DYNC1H1: variants seen among roughly 807,000 people sequenced by gnomAD.
DYNC1H1 encodes the protein dynein cytoplasmic 1 heavy chain 1.
In DYNC1H1, 51 loss-of-function variants were observed where a neutral mutation model predicts 527.1. That is an observed-to-expected ratio of 0.10 (90% CI 0.08 to 0.12). The LOEUF (loss-of-function observed/expected upper bound fraction) is 0.12. Among genes scored for constraint, DYNC1H1 ranks in the 10% least tolerant of loss-of-function variants. The probability of loss-of-function intolerance (pLI) is 1.00; values close to 1 mark genes in which losing one functional copy is unlikely to be tolerated. For synonymous variants in DYNC1H1, 2,189 were observed against 2,278.8 expected (o/e 0.96, Z 1.12); for missense variants, 2,771 against 5,971.8 (o/e 0.46, Z 17.66).
Position 101,994,198 on chromosome 14 carries a change from C to T in DYNC1H1, c.3030C>T (p.Tyr1010=), listed in dbSNP as rs1355964417. The T allele has an allele frequency of 4.3e-6, 7 of 1,614,160 alleles. No individual in the cohort carries two copies. The highest frequency in any genetic ancestry group is 2.2e-5 in the East Asian group (1 of 44,878). Residue 1010 remains tyrosine (Y), a synonymous_variant, in exon 12 of 78, where the codon TAC becomes TAT. Coordinates refer to ENST00000360184, the MANE Select transcript of DYNC1H1 (RefSeq NM_001376.5). ...TGGTTGGCTAGGTGGGTGTACATTACGAATTGACTGAGGAAGAGAAATTCT... is the reference window on the plus strand; with the variant it reads ...TGGTTGGCTAGGTGGGTGTACATTATGAATTGACTGAGGAAGAGAAATTCT... ...QSQRYQVGVH[Y]ELTEEEKFYR...
intron 43 of DYNC1H1, among the ~76,000 whole-genome samples, chr14:102,025,331 G>C (rs1254354952): frequency 6.6e-6 from 1 of 151,954 alleles, no homozygotes; most frequent in African/African-American, 2.4e-5. Flanking sequence ...CTTAAACCTG[G>C]GAGGCAGAGG....
chr14:101,984,443 A>ATTTT (rs1566998423), intron 7 of DYNC1H1, among the ~76,000 whole-genome samples: 2 of 113,484 alleles, frequency 1.8e-5, no homozygotes, highest in African/African-American at 8.6e-5. Flanking sequence ...ATATATATAT[A>ATTTT]TATTATATTT....
In DYNC1H1 at chr14:102,016,566, G is replaced by C; in HGVS notation, c.7614+77G>C. 1 of 1,612,222 alleles carries C rather than the reference G, an allele frequency of 6.2e-7. No homozygotes were observed. The highest frequency in any genetic ancestry group is 8.5e-7 in the Non-Finnish European group (1 of 1,178,688). On this transcript the variant is annotated intron_variant, in intron 37 of 77. Coordinates refer to ENST00000360184, the MANE Select transcript of DYNC1H1 (RefSeq NM_001376.5). This position sits in a 1 kb window ranked among gnomAD's most constrained non-coding sequence, Gnocchi z 7.3. ...CTCATCCTGGAACAAGCTGACCATG[G>C]ACCTTGGCTTCGTCTTTTCATTTTA...
At chr14:101,977,294 T>G (rs2047811765) in intron 2 of DYNC1H1, among the ~76,000 whole-genome samples, 1 of 152,246 alleles carries the variant, frequency 6.6e-6, no homozygotes, top group African/African-American at 2.4e-5. Context: ...TCATAATGGA[T>G]TCCGCATTTT....
Position 102,030,292 on chromosome 14 carries a change from G to A in DYNC1H1, c.9883+10G>A, listed in dbSNP as rs2048495596. 6.2e-7 allele frequency: 1 copy of A among 1,614,002 alleles called. No homozygotes were observed. The highest frequency in any genetic ancestry group is 8.5e-7 in the Non-Finnish European group (1 of 1,179,916). The stretch of plus-strand genomic sequence containing the variant: ...ATTGAGGCCCAGAATGGTATGTAAA[G>A]ACTGTCAGAGCTTTGATGTCTAGGA... On this transcript the variant is annotated intron_variant, in intron 51 of 77. Transcript: ENST00000360184.
chr14:102,034,552 T>A, intron 56 of DYNC1H1, 100 bp downstream of exon 56: 1 of 1,590,886 alleles, frequency 6.3e-7, no homozygotes, highest in South Asian at 1.1e-5. Flanking sequence ...GAATAGAAAA[T>A]GGGGCGTGGG....
At position 102,029,391 on chromosome 14, in the gene DYNC1H1, C is replaced by T; in HGVS notation, c.9469-148C>T. On this transcript the variant is annotated intron_variant, in intron 48 of 77. Transcript: ENST00000360184. This position sits in a 1 kb window ranked among gnomAD's most constrained non-coding sequence, Gnocchi z 5.3. ...GGGGTATCTCGAAAGCTCTAAGTGG[C>T]TAAGCTGAGGCCCGACTCGAGTGTT... 3 of 1,004,662 alleles carry T rather than the reference C, an allele frequency of 3.0e-6. No individual in the cohort carries two copies. The Admixed American group carries it at 6.4e-5, about 21-fold the overall frequency. The allele number at this position is 1,004,662 out of a possible 1,614,324, so 62.2% of individuals were successfully genotyped here.
At position 101,984,447 on chromosome 14, in the gene DYNC1H1, TATA is replaced by T. The variant is rs1566998441; in HGVS notation, c.1461+839_1461+841del. 1.1e-3 allele frequency among the ~76,000 whole-genome samples: 128 copies of T among 116,822 alleles called. 4 individuals carry two copies. The highest frequency in any genetic ancestry group is 3.5e-3 in the African/African-American group (77 of 22,310). 76.6% of individuals were successfully genotyped at this position (116,822 alleles called of 152,430 possible). A position where few individuals can be genotyped will look rare whatever the true frequency, so the allele number is the denominator to read the frequency against. On this transcript the variant is annotated intron_variant, in intron 7 of 77. Transcript: ENST00000360184. ...TGTGTGTGTGTATATATATATATATTATATTTTTTTTTTTTTTTTTTTTTTGAG... is the reference window on the plus strand; with the variant it reads ...TGTGTGTGTGTATATATATATATATTTTTTTTTTTTTTTTTTTTTTTTGAG...
At position 102,036,311 on chromosome 14, in the gene DYNC1H1, G is replaced by C. The variant is rs999370693; in HGVS notation, c.10755-178G>C. The C allele has an allele frequency of 2.6e-4, 181 of 701,376 alleles. No individual in the cohort carries two copies. Among genetic ancestry groups the C allele is most frequent in the Middle Eastern group, 1.3e-3 (3 of 2,346 alleles). 43.4% of individuals were successfully genotyped at this position (701,376 alleles called of 1,614,324 possible). On this transcript the variant is annotated intron_variant, in intron 56 of 77. Transcript: ENST00000360184. This position sits in a 1 kb window ranked among gnomAD's most constrained non-coding sequence, Gnocchi z 5.6. The stretch of plus-strand genomic sequence containing the variant: ...CAATAGTTGTTCAAAAGGATGAGGT[G>C]ATGTTAGCATTAAGCATGTAAGCTT...
In DYNC1H1 at chr14:102,036,385, A is replaced by G; in HGVS notation, c.10755-104A>G. The G allele has an allele frequency of 6.7e-7, 1 of 1,503,704 alleles. No individual in the cohort carries two copies. The highest frequency in any genetic ancestry group is 9.2e-7 in the Non-Finnish European group (1 of 1,086,516). The allele number at this position is 1,503,704 out of a possible 1,614,324, so 93.1% of individuals were successfully genotyped here. On this transcript the variant is annotated intron_variant, in intron 56 of 77. Coordinates refer to ENST00000360184, the MANE Select transcript of DYNC1H1 (RefSeq NM_001376.5). This position sits in a 1 kb window ranked among gnomAD's most constrained non-coding sequence, Gnocchi z 5.6. ...CCGGAAACCACTCTCGGGTGGTGGT[A>G]ACAGCCTATCAATCAGGGTCTCTCA...
In DYNC1H1 at chr14:102,011,063, GTGCATAATA is replaced by G; in HGVS notation, c.6618+115_6618+123del. 1 of 1,151,252 alleles carries G rather than the reference GTGCATAATA, an allele frequency of 8.7e-7. No individual in the cohort carries two copies. The highest frequency in any genetic ancestry group is 1.3e-6 in the Non-Finnish European group (1 of 765,406). 71.3% of individuals were successfully genotyped at this position (1,151,252 alleles called of 1,614,324 possible). A position where few individuals can be genotyped will look rare whatever the true frequency, so the allele number is the denominator to read the frequency against. On this transcript the variant is annotated intron_variant, in intron 32 of 77. Transcript: ENST00000360184. The surrounding 1 kb of genome is among the most constrained non-coding windows in gnomAD (Gnocchi z 5.3). ...GAAACTGTCCACAAAGGCTGTGGAG[GTGCATAATA>G]TGCTTTATGAAGATTTGCCCAAGGC...
rs1418601440 is a variant in DYNC1H1 at position 101,975,937 on chromosome 14, C to T, written c.344+138C>T. On this transcript the variant is annotated intron_variant, in intron 2 of 77. Transcript: ENST00000360184. The stretch of plus-strand genomic sequence containing the variant: ...TTTTTTTTTTTTTGAGACGGAGTTT[C>T]GCTCTTGTTGCCCAGGCTGGAGTAC... 2.5e-5 allele frequency: 17 copies of T among 692,220 alleles called. No individual in the cohort carries two copies. The East Asian group carries it at 3.9e-4, about 16-fold the overall frequency. The allele number at this position is 692,220 out of a possible 1,614,324, so 42.9% of individuals were successfully genotyped here. A position where few individuals can be genotyped will look rare whatever the true frequency, so the allele number is the denominator to read the frequency against.
chr14:101,995,441 C>G, intron 15 of DYNC1H1, 141 bp downstream of exon 15: 1 of 1,104,854 alleles, frequency 9.1e-7, no homozygotes, highest in Non-Finnish European at 1.3e-6. Flanking sequence ...GAAATGCTGT[C>G]TCTACTAAAA....
In DYNC1H1 at chr14:102,018,211, C is replaced by T. The variant is rs1361216106; in HGVS notation, c.8178-240C>T. Among the ~76,000 whole-genome samples the T allele has an allele frequency of 6.6e-6, 1 of 152,208 alleles. No homozygotes were observed. The highest frequency in any genetic ancestry group is 2.4e-5 in the African/African-American group (1 of 41,448). On this transcript the variant is annotated intron_variant, in intron 40 of 77. Coordinates refer to ENST00000360184, the MANE Select transcript of DYNC1H1 (RefSeq NM_001376.5). The surrounding 1 kb of genome is among the most constrained non-coding windows in gnomAD (Gnocchi z 5.2). ...AGAGCCAAGATGAGCCTGAAATAAG[C>T]CTTGGTTATTTTTTCATCTTTGCTG...
Position 102,001,216 on chromosome 14 carries a change from G to A in DYNC1H1, c.4257G>A (p.Arg1419=), listed in dbSNP as rs2048126705. 2 of 1,614,180 alleles carry A rather than the reference G, an allele frequency of 1.2e-6. No homozygotes were observed. Among genetic ancestry groups the A allele is most frequent in the Non-Finnish European group, 1.7e-6 (2 of 1,180,046 alleles). Reference sequence around the variant, plus strand: ...GCCATTGGAAACAGCTCATGAAAAGGCTTCACGTTAATTGGGTTGTTTCTG... The same window carrying A: ...GCCATTGGAAACAGCTCATGAAAAGACTTCACGTTAATTGGGTTGTTTCTG... ...KDRHWKQLMK[R]LHVNWVVSEL... is the part of the protein sequence containing the mutation. The change falls in exon 20 of 78, where the codon AGG becomes AGA. Residue 1419 remains arginine (R), a synonymous_variant. Coordinates refer to ENST00000360184, the MANE Select transcript of DYNC1H1 (RefSeq NM_001376.5). The surrounding 1 kb of genome is among the most constrained non-coding windows in gnomAD (Gnocchi z 5.0).
rs186020928 is a variant in DYNC1H1 at position 102,009,112 on chromosome 14, C to T, written c.5978-731C>T. On this transcript the variant is annotated intron_variant, in intron 29 of 77. Coordinates refer to ENST00000360184, the MANE Select transcript of DYNC1H1 (RefSeq NM_001376.5). ...CCTTTATCACGATAGGAGCAGCTGT[C>T]GGAGAGGCCCCAGGGACCACTTCCC... is the stretch of plus-strand genomic sequence containing the variant. Among the ~76,000 whole-genome samples the T allele has an allele frequency of 3.3e-5, 5 of 152,180 alleles. No homozygotes were observed. The East Asian group carries it at 7.7e-4, about 24-fold the overall frequency.
chr14:101,993,411 C>T (rs2048020851), intron 11 of DYNC1H1, among the ~76,000 whole-genome samples: 1 of 152,128 alleles, frequency 6.6e-6, no homozygotes, highest in African/African-American at 2.4e-5. Context: ...TGAATGACTT[C>T]CTATCTCACT....
chr14:102,040,837 T>C lies in DYNC1H1; in HGVS notation c.11941+164T>C, dbSNP rs2048640764. 3.8e-6 allele frequency: 3 copies of C among 785,754 alleles called. No homozygotes were observed. In the South Asian group the frequency reaches 4.6e-5, roughly 12 times the overall value. The allele number at this position is 785,754 out of a possible 1,614,324, so 48.7% of individuals were successfully genotyped here. On this transcript the variant is annotated intron_variant, in intron 64 of 77. Transcript: ENST00000360184. Reference sequence around the variant, plus strand: ...AGCCAGGCGTGGCGGTGCACACCTGTAGTCCCATCTACTCGGGAGGCTAAA... The same window carrying C: ...AGCCAGGCGTGGCGGTGCACACCTGCAGTCCCATCTACTCGGGAGGCTAAA...
At chr14:102,045,943 G>T (rs938471193) in intron 72 of DYNC1H1, among the ~76,000 whole-genome samples, 1 of 152,050 alleles carries the variant, frequency 6.6e-6, no homozygotes, top group African/African-American at 2.4e-5. Context: ...GAGGTGGGCG[G>T]ATCACAAGGT....
Sources: allele counts gnomAD v4.1 joint callset (sites outside exome capture counted in the v4.1 genomes callset), GRCh38; gene constraint gnomAD v4.1.1; non-coding constraint Gnocchi (gnomAD v3.1); transcripts MANE v1.5; gene names NCBI Gene and HGNC (gene_info 2026-07-23, HGNC 2026-07-21).